Variants in CYP27A1 observed in about 807,000 individuals in gnomAD.
CYP27A1 encodes the protein cytochrome P450 family 27 subfamily A member 1.
CYP27A1 carries 46 observed loss-of-function variants against 58.2 expected under a neutral mutation model. That is an observed-to-expected ratio of 0.79 (90% CI 0.62 to 1.01). The LOEUF is 1.01. Ranked by LOEUF, CYP27A1 falls within the 50% of genes least tolerant of loss-of-function variation. CYP27A1 has a pLI of 0.00. For missense variants in CYP27A1, 704 were observed against 687.0 expected, an observed-to-expected ratio of 1.02 and a Z score of -0.28; for synonymous variants, 274 against 285.1, an observed-to-expected ratio of 0.96 and a Z score of 0.39.
At position 218,814,390 on chromosome 2, in the gene CYP27A1, G is replaced by T. The variant is rs1453048118; in HGVS notation, c.1195G>T (p.Val399Leu). ...VLKETLRLYP[V>L]VPTNSRIIEK... ...TTCTTTTCCCTGCAGTCTCTACCCT[G>T]TGGTCCCCACAAACTCCCGGATCAT... Residue 399 changes from valine to leucine, a missense_variant, in exon 7 of 9, where the codon GTG becomes TTG. By Grantham distance (32) the Val-to-Leu change is conservative. Transcript: ENST00000258415. The T allele has an allele frequency of 5.0e-6, 8 of 1,614,094 alleles. No homozygotes were observed. The highest frequency in any genetic ancestry group is 6.8e-6 in the Non-Finnish European group (8 of 1,180,020).
intron 1 of CYP27A1, among the ~76,000 whole-genome samples, chr2:218,798,950 C>G (rs1214400106): frequency 6.6e-6 from 1 of 152,020 alleles, no homozygotes; most frequent in Non-Finnish European, 1.5e-5. Context: ...AGCAGATTAC[C>G]CTCCGTAATG....
chr2:218,792,018 CA>C (rs1943498002), intron 1 of CYP27A1, among the ~76,000 whole-genome samples: 1 of 151,910 alleles, frequency 6.6e-6, no homozygotes, highest in South Asian at 2.1e-4. Context: ...ATGGGTTTGA[CA>C]AACCAAATAT....
At position 218,809,752 on chromosome 2, in the gene CYP27A1, A is replaced by C. The variant is rs771734732; in HGVS notation, c.431A>C (p.Tyr144Ser). 1.2e-6 allele frequency: 2 copies of C among 1,613,390 alleles called. No homozygotes were observed. The highest frequency in any genetic ancestry group is 4.5e-5 in the East Asian group (2 of 44,850). The change falls in exon 2 of 9, where the codon TAT becomes TCT. Residue 144 changes from tyrosine (Y) to serine (S), a missense_variant. By Grantham distance (144) the Tyr-to-Ser change is moderately radical. Coordinates refer to ENST00000258415, the MANE Select transcript of CYP27A1 (RefSeq NM_000784.4). ...CACCGGGACCAGCACGACCTGACCT[A>C]TGGGCCGTTCACCACGTGAGCTGGG... ...KEHRDQHDLT[Y>S]GPFTTEGHHW...
intron 2 of CYP27A1, 113 bp from the exon 3 acceptor site, chr2:218,812,109 G>T: frequency 1.3e-6 from 1 of 783,466 alleles, no homozygotes; most frequent in Non-Finnish European, 2.2e-6. Flanking sequence ...TAGGAGTATG[G>T]GATTTCCCTT....
At position 218,815,085 on chromosome 2, in the gene CYP27A1, G is replaced by A. The variant is rs1943775910; in HGVS notation, c.*55G>A. On this transcript the variant is annotated 3_prime_UTR_variant, in exon 9 of 9. Transcript: ENST00000258415. The stretch of plus-strand genomic sequence containing the variant: ...CTAGAGGCTCCAGCTCTGGCACAGT[G>A]GTTCCTGGCTGCTGCCATGTCTCAG... 6.2e-7 allele frequency: 1 copy of A among 1,611,216 alleles called. No individual in the cohort carries two copies. Among genetic ancestry groups the A allele is most frequent in the Non-Finnish European group, 8.5e-7 (1 of 1,178,066 alleles).
At chr2:218,803,500 T>C (rs112519987) in intron 1 of CYP27A1, among the ~76,000 whole-genome samples, 1,698 of 152,146 alleles carry the variant, frequency 0.011, 30 homozygotes, top group African/African-American at 0.038. Context: ...ATCTTGGCAC[T>C]GCAACCTCTG....
chr2:218,802,839 C>T (rs950550301), intron 1 of CYP27A1, among the ~76,000 whole-genome samples: 13 of 152,034 alleles, frequency 8.6e-5, no homozygotes, highest in African/African-American at 3.1e-4. Flanking sequence ...CTTTGGTTTG[C>T]ATTTCCTTAA....
chr2:218,807,300 A>G lies in CYP27A1; in HGVS notation c.256-2277A>G, dbSNP rs145513865. On this transcript the variant is annotated intron_variant, in intron 1 of 8. Transcript: ENST00000258415. Reference sequence around the variant, plus strand: ...TAGAGGAAAATAGATGTGTATGTAAAGTATTTTTTAAAAAGCAACCTTTAA... The same window carrying G: ...TAGAGGAAAATAGATGTGTATGTAAGGTATTTTTTAAAAAGCAACCTTTAA... Among the ~76,000 whole-genome samples, 6 of 152,250 alleles carry G rather than the reference A, an allele frequency of 3.9e-5. No homozygotes were observed. In the East Asian group the frequency reaches 1.2e-3, roughly 29 times the overall value.
chr2:218,782,397 T>A lies in CYP27A1; in HGVS notation c.215T>A (p.Leu72Gln), dbSNP rs138189735. 166 of 1,614,078 alleles carry A rather than the reference T, an allele frequency of 1.0e-4. No homozygotes were observed. Among genetic ancestry groups the A allele is most frequent in the South Asian group, 2.7e-4 (25 of 91,084 alleles). Residue 72 changes from leucine to glutamine, a missense_variant, in exon 1 of 9, where the codon CTG becomes CAG. Transcript: ENST00000258415. The surrounding 1 kb of genome is among the most constrained non-coding windows in gnomAD (Gnocchi z 4.1). ...RLGQLRFFFQ[L>Q]FVQGYALQLH... is the part of the protein sequence containing the mutation. ...GGACAGCTGCGCTTCTTCTTTCAGC[T>A]GTTCGTTCAAGGCTATGCCCTGCAA...
Position 218,814,704 on chromosome 2 carries a change from G to A in CYP27A1, c.1423G>A (p.Ala475Thr). Residue 475 changes from alanine to threonine, a missense_variant, in exon 8 of 9, where the codon GCC (alanine) becomes ACC (threonine). Physicochemically the swap from Ala to Thr is moderately conservative, Grantham distance 58 (BLOSUM62 0). Transcript: ENST00000258415. The stretch of plus-strand genomic sequence containing the variant: ...TGTGCCCTTTGGCTATGGGGTCCGG[G>A]CCTGCCTGGGCCGCAGGATTGCAGA... ...GSVPFGYGVRACLGRRIAELE... is the reference protein window; with the variant it reads ...GSVPFGYGVRTCLGRRIAELE... The A allele has an allele frequency of 1.2e-6, 2 of 1,614,224 alleles. No homozygotes were observed. Among genetic ancestry groups the A allele is most frequent in the Non-Finnish European group, 1.7e-6 (2 of 1,180,046 alleles).
intron 1 of CYP27A1, among the ~76,000 whole-genome samples, chr2:218,800,909 C>T (rs1161387299): frequency 1.3e-5 from 2 of 152,116 alleles, no homozygotes; most frequent in African/African-American, 4.8e-5. Flanking sequence ...TTTCAATAAA[C>T]ACACTTATAT....
chr2:218,814,794 G>T lies in CYP27A1; in HGVS notation c.1476+37G>T, dbSNP rs1292782580. ...GAGGCTAGTAGGGTGTGTGGGCAGG[G>T]AGGGGTGGAGGAGTCCTGGGAGGAG... On this transcript the variant is annotated intron_variant, in intron 8 of 8. Coordinates refer to ENST00000258415, the MANE Select transcript of CYP27A1 (RefSeq NM_000784.4). The T allele has an allele frequency of 3.7e-6, 6 of 1,613,500 alleles. No individual in the cohort carries two copies. In the African/African-American group the frequency reaches 6.7e-5, roughly 18 times the overall value.
At chr2:218,809,442 CTTTTTTTTTTTTT>C (rs57956133) in intron 1 of CYP27A1, 122 bp from the exon 2 acceptor site, 1 of 369,560 alleles carries the variant, frequency 2.7e-6, no homozygotes, top group Non-Finnish European at 4.9e-6. Flanking sequence ...ACACAATGCC[CTTTTTTTTTTTTT>C]TTTTTTTTTG....
intron 1 of CYP27A1, among the ~76,000 whole-genome samples, chr2:218,785,175 T>C (rs1159769577): frequency 2.6e-5 from 4 of 151,938 alleles, no homozygotes; most frequent in Admixed American, 1.3e-4. Context: ...TCTTAAGGAG[T>C]GTGCAACCTA....
rs1943406488 is a variant in CYP27A1, at chr2:218,782,773, G to A, written c.255+336G>A. On this transcript the variant is annotated intron_variant, in intron 1 of 8. Coordinates refer to ENST00000258415, the MANE Select transcript of CYP27A1 (RefSeq NM_000784.4). This position sits in a 1 kb window ranked among gnomAD's most constrained non-coding sequence, Gnocchi z 4.1. Reference sequence around the variant, plus strand: ...AAATGTGTAAGCTAACGGATATTATGGAATCACTAATTCTGGGCTGATATT... The same window carrying A: ...AAATGTGTAAGCTAACGGATATTATAGAATCACTAATTCTGGGCTGATATT... 6.6e-6 allele frequency among the ~76,000 whole-genome samples: 1 copy of A among 152,094 alleles called. No homozygotes were observed. The highest frequency in any genetic ancestry group is 6.6e-5 in the Admixed American group (1 of 15,258).
In CYP27A1 at chr2:218,782,341, G is replaced by A. The variant is rs750652986; in HGVS notation, c.159G>A (p.Arg53=). ...GAGCCGGGCCTGGTGTCCGGCGGCG[G>A]CAACGGAGCTTAGAGGAGATTCCAC... ...APGAGPGVRR[R]QRSLEEIPRL... The change falls in exon 1 of 9, where the codon CGG becomes CGA. Residue 53 remains arginine (R), a synonymous_variant. Coordinates refer to ENST00000258415, the MANE Select transcript of CYP27A1 (RefSeq NM_000784.4). This position sits in a 1 kb window ranked among gnomAD's most constrained non-coding sequence, Gnocchi z 4.1. The A allele has an allele frequency of 4.2e-5, 67 of 1,613,624 alleles. No homozygotes were observed. The highest frequency in any genetic ancestry group is 5.4e-5 in the Non-Finnish European group (64 of 1,179,832).
chr2:218,797,442 G>A (rs1338768195), intron 1 of CYP27A1, among the ~76,000 whole-genome samples: 2 of 152,054 alleles, frequency 1.3e-5, no homozygotes, highest in African/African-American at 4.8e-5. Context: ...CAGAATTTCC[G>A]AGATCCCATA....
chr2:218,814,072 A>T lies in CYP27A1; in HGVS notation c.1069A>T (p.Ile357Phe), dbSNP rs764116852. Residue 357 changes from isoleucine (I) to phenylalanine (F), a missense_variant, in exon 6 of 9, where the codon ATC becomes TTC. Transcript: ENST00000258415. ...ALYHLSKDPEIQEALHEEVVG... is the reference protein window; with the variant it reads ...ALYHLSKDPEFQEALHEEVVG... ...GTACCACCTCTCAAAGGACCCTGAG[A>T]TCCAGGAGGCCTTGCACGAGGAAGT... The T allele has an allele frequency of 6.2e-7, 1 of 1,614,242 alleles. No homozygotes were observed. Among genetic ancestry groups the T allele is most frequent in the Non-Finnish European group, 8.5e-7 (1 of 1,180,040 alleles).
intron 1 of CYP27A1, among the ~76,000 whole-genome samples, chr2:218,786,252 G>C (rs2105970480): frequency 6.6e-6 from 1 of 152,276 alleles, no homozygotes; most frequent in East Asian, 1.9e-4. Flanking sequence ...GGTGGAGATA[G>C]ACATACCCTA....
Sources: gnomAD v4.1 joint callset for allele counts (sites outside exome capture counted in the v4.1 genomes callset) on GRCh38, gnomAD v4.1.1 for gene constraint, Gnocchi (gnomAD v3.1) non-coding constraint, MANE v1.5 for transcripts, NCBI Gene and HGNC (gene_info 2026-07-23, HGNC 2026-07-21) for gene names.